Variants in YPEL3 observed in about 807,000 individuals in gnomAD.
YPEL3 encodes yippee like 3.
YPEL3 carries 5 observed loss-of-function variants against 17.5 expected under a neutral mutation model. The observed-to-expected ratio is 0.29, with a 90% CI of 0.15 to 0.60. The LOEUF (loss-of-function observed/expected upper bound fraction) is 0.60, where lower values mean the gene tolerates loss of function less well. Among genes scored for constraint, YPEL3 ranks in the 20% least tolerant of loss-of-function variants. The pLI is 0.87. For synonymous variants in YPEL3, 87 were observed against 87.2 expected (o/e 1.00, Z 0.01); for missense variants, 155 against 211.4 (o/e 0.73, Z 1.65).
chr16:30,095,379 G>T lies in YPEL3; in HGVS notation c.104C>A (p.Pro35Gln), dbSNP rs764063495. ...TGAAATCCGCACCATGGCGGGGGCC[G>T]GGGGCAGTGGCCCCACGCGGGGAGC... The part of the protein sequence containing the change: ...WAAPRVGPLP[P>Q]APAMVRISKP... Residue 35 changes from proline (P) to glutamine (Q), a missense_variant, in exon 1 of 4, where the codon CCG becomes CAG. By Grantham distance (76) the Pro-to-Gln change is moderately conservative. Transcript: ENST00000398841. The surrounding 1 kb of genome is among the most constrained non-coding windows in gnomAD (Gnocchi z 5.4). The T allele has an allele frequency of 3.1e-6, 5 of 1,612,736 alleles. No homozygotes were observed. The highest frequency in any genetic ancestry group is 4.2e-6 in the Non-Finnish European group (5 of 1,179,446).
Position 30,092,706 on chromosome 16 carries a change from G to A in YPEL3, c.*4C>T. 6.2e-7 allele frequency: 1 copy of A among 1,613,982 alleles called. No individual in the cohort carries two copies. Among genetic ancestry groups the A allele is most frequent in the Non-Finnish European group, 8.5e-7 (1 of 1,179,912 alleles). On this transcript the variant is annotated 3_prime_UTR_variant, in exon 4 of 4. Transcript: ENST00000398841. The stretch of plus-strand genomic sequence containing the variant: ...TGGAGCCACATGCGTCGGGGGAGCG[G>A]GGGTCAGTCCCAGCCGTTGTCTTTG...
rs143970631 is a variant in YPEL3, at chr16:30,095,820, G to T, written c.-338C>A. On this transcript the variant is annotated 5_prime_UTR_variant, in exon 1 of 4. Coordinates refer to ENST00000398841, the MANE Select transcript of YPEL3 (RefSeq NM_031477.5). This position sits in a 1 kb window ranked among gnomAD's most constrained non-coding sequence, Gnocchi z 5.4. ...TGGAGAGCAGTGGGGTTCACTGGTG[G>T]TTTAGGGGGTTCATCGGGGAGAGGG... 2.0e-5 allele frequency: 6 copies of T among 295,932 alleles called. No homozygotes were observed. In the South Asian group the frequency reaches 5.9e-4, roughly 29 times the overall value. The allele number at this position is 295,932 out of a possible 1,614,324, so 18.3% of individuals were successfully genotyped here.
intron 3 of YPEL3, 59 bp downstream of exon 3, chr16:30,094,727 CAGG>C: frequency 1.4e-6 from 2 of 1,467,308 alleles, no homozygotes; most frequent in Non-Finnish European, 9.6e-7. Context: ...GACAGCTTGT[CAGG>C]AGGAGGTGTT....
intron 2 of YPEL3, 64 bp from the exon 3 acceptor site, chr16:30,094,961 C>T (rs563207428): frequency 1.2e-5 from 19 of 1,599,532 alleles, no homozygotes; most frequent in Non-Finnish European, 1.6e-5. Context: ...CCCTCAAGCA[C>T]TGTGTCTGTC....
chr16:30,093,151 G>A (rs1050425411), intron 3 of YPEL3, among the ~76,000 whole-genome samples: 2 of 152,140 alleles, frequency 1.3e-5, no homozygotes, highest in African/African-American at 4.8e-5. Context: ...ATATAAGTAG[G>A]CCTTGCTCAC....
rs925634370 is a variant in YPEL3 at position 30,093,193 on chromosome 16, A to C, written c.385-394T>G. Among the ~76,000 whole-genome samples the C allele has an allele frequency of 4.6e-5, 7 of 152,066 alleles. No individual in the cohort carries two copies. In the East Asian group the frequency reaches 1.3e-3, roughly 29 times the overall value. ...TTGCCCAGCCTGCCCCCAACTCCCA[A>C]CCCTGCCAATCTATGCTACCCTTTA... is the stretch of plus-strand genomic sequence containing the variant. On this transcript the variant is annotated intron_variant, in intron 3 of 3. Coordinates refer to ENST00000398841, the MANE Select transcript of YPEL3 (RefSeq NM_031477.5).
In YPEL3 at chr16:30,095,873, T is replaced by C. The variant is rs2072787805; in HGVS notation, c.-391A>G. The C allele has an allele frequency of 9.9e-6, 2 of 201,020 alleles. No homozygotes were observed. Among genetic ancestry groups the C allele is most frequent in the South Asian group, 1.3e-4 (1 of 7,698 alleles). The allele number at this position is 201,020 out of a possible 1,614,324, so 12.5% of individuals were successfully genotyped here. A position where few individuals can be genotyped will look rare whatever the true frequency, so the allele number is the denominator to read the frequency against. ...CCCCACCTGGAGGAGGTAGGAGGCC[T>C]CGCCGTGAAGGTTGAGGGTCACCTA... On this transcript the variant is annotated 5_prime_UTR_variant, in exon 1 of 4. Coordinates refer to ENST00000398841, the MANE Select transcript of YPEL3 (RefSeq NM_031477.5). This position sits in a 1 kb window ranked among gnomAD's most constrained non-coding sequence, Gnocchi z 5.4.
At chr16:30,094,569 TC>T in intron 3 of YPEL3, 1 of 584,578 alleles carries the variant, frequency 1.7e-6, no homozygotes, top group Admixed American at 2.9e-5. Context: ...ATATCCTAAC[TC>T]TCTAATGGGG....
intron 2 of YPEL3, 64 bp from the exon 3 acceptor site, chr16:30,094,961 C>G (rs563207428): frequency 6.3e-7 from 1 of 1,599,650 alleles, no homozygotes; most frequent in East Asian, 2.2e-5. Flanking sequence ...CCCTCAAGCA[C>G]TGTGTCTGTC....
In YPEL3 at chr16:30,092,451, A is replaced by AT. The variant is rs923599704; in HGVS notation, c.*258dup. The AT allele has an allele frequency of 5.9e-6, 3 of 509,704 alleles. No homozygotes were observed. The highest frequency in any genetic ancestry group is 5.7e-5 in the African/African-American group (3 of 52,294). The allele number at this position is 509,704 out of a possible 1,614,324, so 31.6% of individuals were successfully genotyped here. On this transcript the variant is annotated 3_prime_UTR_variant, in exon 4 of 4. Transcript: ENST00000398841. ...GGACCAGGAGAGCAGAACACAGGCC[A>AT]TAACTATAGGGCAGGTGGGGCAGGA...
rs1161836915 is a variant in YPEL3 at position 30,095,702 on chromosome 16, T to A, written c.-220A>T. ...CCCTTGCTGACCTGGCAGCTGAAGC[T>A]GGAGGAAGGGGCTTTGGAGGGGCTG... On this transcript the variant is annotated 5_prime_UTR_variant, in exon 1 of 4. Coordinates refer to ENST00000398841, the MANE Select transcript of YPEL3 (RefSeq NM_031477.5). The surrounding 1 kb of genome is among the most constrained non-coding windows in gnomAD (Gnocchi z 5.4). 1 of 508,508 alleles carries A rather than the reference T, an allele frequency of 2.0e-6. No individual in the cohort carries two copies. The highest frequency in any genetic ancestry group is 1.9e-5 in the African/African-American group (1 of 52,452). The allele number at this position is 508,508 out of a possible 1,614,324, so 31.5% of individuals were successfully genotyped here. A position where few individuals can be genotyped will look rare whatever the true frequency, so the allele number is the denominator to read the frequency against.
Position 30,092,606 on chromosome 16 carries a change from G to T in YPEL3, c.*104C>A. ...TATACAGGAGCTAGATCCGTCCTCTGCAGGGGCTCTGAGGGTCCAGAGCTC... is the reference window on the plus strand; with the variant it reads ...TATACAGGAGCTAGATCCGTCCTCTTCAGGGGCTCTGAGGGTCCAGAGCTC... On this transcript the variant is annotated 3_prime_UTR_variant, in exon 4 of 4. Coordinates refer to ENST00000398841, the MANE Select transcript of YPEL3 (RefSeq NM_031477.5). 1 of 1,032,836 alleles carries T rather than the reference G, an allele frequency of 9.7e-7. No individual in the cohort carries two copies. The highest frequency in any genetic ancestry group is 1.5e-6 in the Non-Finnish European group (1 of 667,916). 64.0% of individuals were successfully genotyped at this position (1,032,836 alleles called of 1,614,324 possible). A position where few individuals can be genotyped will look rare whatever the true frequency, so the allele number is the denominator to read the frequency against.
At chr16:30,094,224 T>C (rs1567345461) in intron 3 of YPEL3, 1 of 163,972 alleles carries the variant, frequency 6.1e-6, no homozygotes, top group Non-Finnish European at 1.4e-5. Flanking sequence ...ATGAGGACTA[T>C]GGAAAGGGAG....
Position 30,096,056 on chromosome 16 carries a change from GGGCGCGGGGCGACACGCAGCCCTGAC to G in YPEL3, c.-600_-575del, listed in dbSNP as rs1311234419. ...GGGGCAGTCCTCGCGGGCTGGGCAG[GGGCGCGGGGCGACACGCAGCCCTGAC>G]GGCGCGGGCCTCACCTCGCCTGGGC... On this transcript the variant is annotated 5_prime_UTR_variant, in exon 1 of 4. Transcript: ENST00000398841. 1.3e-5 allele frequency: 2 copies of G among 150,756 alleles called. No individual in the cohort carries two copies. Among genetic ancestry groups the G allele is most frequent in the Non-Finnish European group, 1.5e-5 (1 of 67,514 alleles). 9.3% of individuals were successfully genotyped at this position (150,756 alleles called of 1,614,324 possible).
In YPEL3 at chr16:30,094,882, G is replaced by A. The variant is rs1470658970; in HGVS notation, c.291C>T (p.Cys97=). Residue 97 remains cysteine, a synonymous_variant, in exon 3 of 4, where the codon TGC becomes TGT. Transcript: ENST00000398841. The part of the protein sequence containing the change: ...YLFNSVVNVG[C]GPAEERVLLT... The stretch of plus-strand genomic sequence containing the variant: ...GCAGCACCCGCTCCTCGGCTGGCCC[G>A]CAGCCCACGTTCACCCTGTGGGGAC... The A allele has an allele frequency of 3.1e-6, 5 of 1,612,766 alleles. No homozygotes were observed. The highest frequency in any genetic ancestry group is 1.7e-4 in the Middle Eastern group (1 of 5,972).
chr16:30,095,761 C>G lies in YPEL3; in HGVS notation c.-279G>C. 1 of 439,760 alleles carries G rather than the reference C, an allele frequency of 2.3e-6. No individual in the cohort carries two copies. Among genetic ancestry groups the G allele is most frequent in the South Asian group, 5.1e-5 (1 of 19,504 alleles). 27.2% of individuals were successfully genotyped at this position (439,760 alleles called of 1,614,324 possible). On this transcript the variant is annotated 5_prime_UTR_variant, in exon 1 of 4. Coordinates refer to ENST00000398841, the MANE Select transcript of YPEL3 (RefSeq NM_031477.5). This position sits in a 1 kb window ranked among gnomAD's most constrained non-coding sequence, Gnocchi z 5.4. ...GTTCCCAGTTTCGGGGGAGCATGGG[C>G]GGGTAGGCACTGGTTGGTCCTTGCG...
At chr16:30,094,033 A>G (rs2072767911) in intron 3 of YPEL3, 1 of 152,890 alleles carries the variant, frequency 6.5e-6, no homozygotes, top group African/African-American at 2.4e-5. Context: ...CAGAGGCACC[A>G]CAGTTCCAAG....
At chr16:30,093,082 C>T (rs1439431661) in intron 3 of YPEL3, among the ~76,000 whole-genome samples, 2 of 152,188 alleles carry the variant, frequency 1.3e-5, no homozygotes, top group Admixed American at 6.5e-5. Flanking sequence ...TTTTGGCCTA[C>T]AACATGTATT....
chr16:30,094,719 CA>C, intron 3 of YPEL3, 69 bp downstream of exon 3: 4 of 1,403,912 alleles, frequency 2.8e-6, no homozygotes, highest in Non-Finnish European at 4.0e-6. Flanking sequence ...TATAGGGTGA[CA>C]GCTTGTCAGG....
Sources: allele counts gnomAD v4.1 joint callset (sites outside exome capture counted in the v4.1 genomes callset), GRCh38; gene constraint gnomAD v4.1.1; non-coding constraint Gnocchi (gnomAD v3.1); transcripts MANE v1.5; gene names NCBI Gene and HGNC (gene_info 2026-07-23, HGNC 2026-07-21).